CNTN6: variants seen among roughly 807,000 people sequenced by gnomAD.
The protein encoded by CNTN6 is contactin-6.
In CNTN6, 137 loss-of-function variants were observed where a neutral mutation model predicts 122.8. The ratio of observed to expected loss-of-function variants is 1.12; its 90% confidence interval spans 0.97 to 1.29. The LOEUF (loss-of-function observed/expected upper bound fraction) is 1.29. Ranked by LOEUF, CNTN6 falls within the 50% of genes most tolerant of loss-of-function variation. The probability of loss-of-function intolerance (pLI) is 0.00; values close to 1 mark genes in which losing one functional copy is unlikely to be tolerated. For synonymous variants in CNTN6, 570 were observed against 426.0 expected, an observed-to-expected ratio of 1.34 and a Z score of -4.16; for missense variants, 1,634 against 1,223.4, an observed-to-expected ratio of 1.34 and a Z score of -5.01.
intron 2 of CNTN6, among the ~76,000 whole-genome samples, chr3:1,156,838 C>G (rs1387094797): frequency 6.6e-6 from 1 of 152,066 alleles, no homozygotes; most frequent in Non-Finnish European, 1.5e-5. Flanking sequence ...CTACCTCAGC[C>G]TCCTGAGTAG....
intron 4 of CNTN6, among the ~76,000 whole-genome samples, chr3:1,256,991 A>G (rs975331885): frequency 2.0e-5 from 3 of 152,176 alleles, no homozygotes; most frequent in Non-Finnish European, 2.9e-5. Flanking sequence ...GCCAAATGAT[A>G]CTTTCAACAG....
intron 16 of CNTN6, 31 bp downstream of exon 16, chr3:1,374,104 A>G (rs1709519041): frequency 6.3e-7 from 1 of 1,597,284 alleles, no homozygotes. Flanking sequence ...AAAAGTGTGG[A>G]AGATTTCGTA....
At chr3:1,270,621 G>C (rs547036065) in intron 4 of CNTN6, among the ~76,000 whole-genome samples, 3 of 152,312 alleles carry the variant, frequency 2.0e-5, no homozygotes, top group Admixed American at 6.5e-5. Context: ...GTTTACTCCA[G>C]AACCAGCTTT....
chr3:1,353,528 T>G (rs546295409), intron 12 of CNTN6, among the ~76,000 whole-genome samples: 1 of 151,610 alleles, frequency 6.6e-6, no homozygotes, highest in Non-Finnish European at 1.5e-5. Flanking sequence ...TTGAAAAACT[T>G]CTCTTCCTTA....
chr3:1,282,328 C>T (rs952872337), intron 5 of CNTN6, among the ~76,000 whole-genome samples: 3 of 152,098 alleles, frequency 2.0e-5, no homozygotes, highest in Admixed American at 2.0e-4. Flanking sequence ...GGGTTTTACA[C>T]GGAAAGGTTA....
intron 1 of CNTN6, among the ~76,000 whole-genome samples, chr3:1,124,763 G>T (rs1225320673): frequency 6.6e-6 from 1 of 151,798 alleles, no homozygotes; most frequent in Non-Finnish European, 1.5e-5. Context: ...TACTTATTAT[G>T]ATTCAATTTT....
intron 4 of CNTN6, among the ~76,000 whole-genome samples, chr3:1,244,006 C>T (rs1211188461): frequency 6.6e-6 from 1 of 152,030 alleles, no homozygotes; most frequent in Non-Finnish European, 1.5e-5. Flanking sequence ...AATGCCTGGA[C>T]GTAAGGCACC....
At chr3:1,372,191 T>G in intron 12 of CNTN6, 108 bp from the exon 13 acceptor site, 1 of 729,976 alleles carries the variant, frequency 1.4e-6, no homozygotes, top group Non-Finnish European at 2.1e-6. Flanking sequence ...GAACTCCAGG[T>G]TGCATTTATA....
chr3:1,311,183 T>TTA (rs755744766), intron 7 of CNTN6, among the ~76,000 whole-genome samples: 1 of 149,576 alleles, frequency 6.7e-6, no homozygotes, highest in African/African-American at 2.4e-5. Context: ...TAAAATGTCT[T>TTA]TATATATATA....
intron 2 of CNTN6, among the ~76,000 whole-genome samples, chr3:1,150,469 C>A (rs1336995352): frequency 2.0e-5 from 3 of 152,008 alleles, no homozygotes; most frequent in Non-Finnish European, 4.4e-5. Flanking sequence ...TTAACTACAA[C>A]TTCTAGTGCT....
intron 1 of CNTN6, among the ~76,000 whole-genome samples, chr3:1,116,106 A>G (rs2091707777): frequency 6.6e-6 from 1 of 152,198 alleles, no homozygotes; most frequent in South Asian, 2.1e-4. Context: ...CCCTGTAATC[A>G]GAAATCTGAA....
At chr3:1,222,178 GA>G in intron 3 of CNTN6, among the ~76,000 whole-genome samples, 1 of 152,236 alleles carries the variant, frequency 6.6e-6, no homozygotes, top group South Asian at 2.1e-4. Flanking sequence ...CCAAACCAGT[GA>G]AACTCATCTG....
At chr3:1,267,359 T>C (rs2094942899) in intron 4 of CNTN6, among the ~76,000 whole-genome samples, 1 of 152,142 alleles carries the variant, frequency 6.6e-6, no homozygotes, top group South Asian at 2.1e-4. Context: ...TTTAGTTATG[T>C]GGTCTTGAGC....
At chr3:1,397,042 G>C (rs535777948) in intron 20 of CNTN6, among the ~76,000 whole-genome samples, 10 of 152,306 alleles carry the variant, frequency 6.6e-5, no homozygotes, top group Non-Finnish European at 1.5e-4. Context: ...AGAGAAGACA[G>C]AGGTATTTTC....
intron 4 of CNTN6, among the ~76,000 whole-genome samples, chr3:1,273,613 T>C (rs1179394184): frequency 1.3e-5 from 2 of 152,208 alleles, no homozygotes; most frequent in Non-Finnish European, 2.9e-5. Context: ...GGCAGACTTA[T>C]ATCTTGTCTA....
chr3:1,344,606 G>A (rs1333165420), intron 11 of CNTN6, among the ~76,000 whole-genome samples: 1 of 152,128 alleles, frequency 6.6e-6, no homozygotes, highest in Non-Finnish European at 1.5e-5. Context: ...AGAGAGTTTA[G>A]GCTTTTGTCT....
chr3:1,364,709 T>C (rs529731750), intron 12 of CNTN6, among the ~76,000 whole-genome samples: 166 of 152,046 alleles, frequency 1.1e-3, no homozygotes, highest in Non-Finnish European at 2.0e-3. Flanking sequence ...TGACATAAGT[T>C]TTGATGTAAT....
intron 2 of CNTN6, among the ~76,000 whole-genome samples, chr3:1,167,332 T>C (rs375580886): frequency 3.3e-5 from 5 of 151,818 alleles, no homozygotes; most frequent in African/African-American, 1.2e-4. Context: ...CTAGAGATCT[T>C]TACGGGAGGT....
intron 13 of CNTN6, 102 bp downstream of exon 13, chr3:1,372,576 A>G: frequency 5.0e-6 from 5 of 993,972 alleles, no homozygotes; most frequent in Admixed American, 2.9e-5. Flanking sequence ...TTGCATGGAT[A>G]ATCACTGACT....
Sources: gnomAD v4.1 joint callset for allele counts (sites outside exome capture counted in the v4.1 genomes callset) on GRCh38, gnomAD v4.1.1 for gene constraint, MANE v1.5 for transcripts, NCBI Gene and HGNC (gene_info 2026-07-23, HGNC 2026-07-21) for gene names.